FRMPD2: variants seen among roughly 807,000 people sequenced by gnomAD.
FRMPD2 encodes the protein FERM and PDZ domain containing 2, also known as FERM and PDZ domain-containing protein 2.
In FRMPD2, 96 loss-of-function variants were observed where a neutral mutation model predicts 140.1. The ratio of observed to expected loss-of-function variants is 0.69; its 90% CI spans 0.58 to 0.81. FRMPD2 has a LOEUF of 0.81. FRMPD2 is among the 40% of genes least tolerant of loss of function. The pLI, the probability that FRMPD2 is intolerant of heterozygous loss-of-function variation, is 0.00. For missense variants in FRMPD2, 1,240 were observed against 1,447.4 expected (o/e 0.86, Z 2.32); for synonymous variants, 449 against 547.6 (o/e 0.82, Z 2.52).
intron 21 of FRMPD2, 54 bp from the exon 22 acceptor site, chr10:48,178,205 C>T: frequency 7.8e-7 from 1 of 1,281,542 alleles, no homozygotes; most frequent in South Asian, 1.2e-5. Context: ...GATGTCACCT[C>T]TTAGCTCATA....
chr10:48,211,610 C>G (rs946824111), intron 13 of FRMPD2, among the ~76,000 whole-genome samples: 1 of 152,092 alleles, frequency 6.6e-6, no homozygotes, highest in African/African-American at 2.4e-5. Context: ...TGGGAAAACC[C>G]TGTCTCTACT....
chr10:48,224,060 GT>G (rs1015565254), intron 10 of FRMPD2, among the ~76,000 whole-genome samples: 1 of 152,222 alleles, frequency 6.6e-6, no homozygotes, highest in African/African-American at 2.4e-5. Flanking sequence ...TGTAAGTGGA[GT>G]CAATTTGCCC....
chr10:48,167,802 CTT>C (rs1193287461), intron 27 of FRMPD2, among the ~76,000 whole-genome samples: 3 of 152,140 alleles, frequency 2.0e-5, no homozygotes, highest in Admixed American at 2.0e-4. Flanking sequence ...AATCAGCAAA[CTT>C]TGAGTAAAAC....
At chr10:48,184,269 C>T (rs1184508021) in intron 20 of FRMPD2, among the ~76,000 whole-genome samples, 1 of 151,948 alleles carries the variant, frequency 6.6e-6, no homozygotes, top group Non-Finnish European at 1.5e-5. Flanking sequence ...AAAAGGTCCT[C>T]CCTGCCATGC....
chr10:48,236,645 C>A, intron 8 of FRMPD2, 92 bp from the exon 9 acceptor site: 1 of 1,155,718 alleles, frequency 8.7e-7, no homozygotes, highest in Non-Finnish European at 1.3e-6. Flanking sequence ...GCAGCCCCCA[C>A]CAGCATACAT....
At chr10:48,203,520 T>C (rs950580103) in intron 14 of FRMPD2, among the ~76,000 whole-genome samples, 2 of 152,144 alleles carry the variant, frequency 1.3e-5, no homozygotes, top group Non-Finnish European at 2.9e-5. Flanking sequence ...TGGGCGCCAT[T>C]ACTCTTGCAC....
intron 8 of FRMPD2, among the ~76,000 whole-genome samples, chr10:48,237,125 T>TAA (rs10563330): frequency 2.2e-4 from 29 of 131,634 alleles, no homozygotes; most frequent in Middle Eastern, 3.9e-3. Flanking sequence ...TCCTCACCTT[T>TAA]AAAAAAAAAA....
In FRMPD2 at chr10:48,238,057, G is replaced by A; in HGVS notation, c.855C>T (p.His285=). 1 of 1,614,046 alleles carries A rather than the reference G, an allele frequency of 6.2e-7. No individual in the cohort carries two copies. Among genetic ancestry groups the A allele is most frequent in the Non-Finnish European group, 8.5e-7 (1 of 1,180,036 alleles). ...TTGGCCATGAGCTGTCTGCTGCCGA[G>A]TGCACAGATCCAGAGCTGAGCCTCC... The part of the protein sequence containing the change: ...AGRRLSSGSV[H]SAADSSWPTT... Residue 285 remains histidine, a synonymous_variant, in exon 8 of 29, where the codon CAC becomes CAT. Coordinates refer to ENST00000374201, the MANE Select transcript of FRMPD2 (RefSeq NM_001018071.4).
At chr10:48,198,248 A>C (rs61840036) in intron 15 of FRMPD2, among the ~76,000 whole-genome samples, 30,338 of 152,176 alleles carry the variant, frequency 0.2, 3,584 homozygotes, top group Non-Finnish European at 0.26. Flanking sequence ...AAAGGTAATA[A>C]CAGTAACATT....
chr10:48,218,932 C>T (rs986483848), intron 12 of FRMPD2, among the ~76,000 whole-genome samples: 3 of 152,192 alleles, frequency 2.0e-5, no homozygotes, highest in African/African-American at 7.2e-5. Flanking sequence ...TTCAAGCCAG[C>T]CTGAGCTTGA....
At chr10:48,271,713 T>C (rs1840769573) in intron 1 of FRMPD2, among the ~76,000 whole-genome samples, 1 of 152,184 alleles carries the variant, frequency 6.6e-6, no homozygotes, top group African/African-American at 2.4e-5. Flanking sequence ...GGAATCAGCC[T>C]CGAAAGCAGA....
chr10:48,211,182 C>T (rs965745024), intron 13 of FRMPD2, among the ~76,000 whole-genome samples: 2 of 152,240 alleles, frequency 1.3e-5, no homozygotes, highest in African/African-American at 4.8e-5. Flanking sequence ...TTTTCCAGTG[C>T]CTGGCCCACA....
chr10:48,241,950 G>A (rs1394952658), intron 5 of FRMPD2: 2 of 377,352 alleles, frequency 5.3e-6, no homozygotes, highest in African/African-American at 4.0e-5. Flanking sequence ...CTGCCCAATA[G>A]AACTGCAATG....
At chr10:48,235,155 C>A (rs1839938850) in intron 9 of FRMPD2, among the ~76,000 whole-genome samples, 1 of 152,180 alleles carries the variant, frequency 6.6e-6, no homozygotes, top group African/African-American at 2.4e-5. Flanking sequence ...GTGAGCCACC[C>A]TGACACCCCA....
intron 1 of FRMPD2, among the ~76,000 whole-genome samples, chr10:48,272,904 A>G (rs1840794150): frequency 6.6e-6 from 1 of 152,226 alleles, no homozygotes; most frequent in Non-Finnish European, 1.5e-5. Context: ...GTAAACAAAA[A>G]TATCAACCAA....
chr10:48,209,314 G>C (rs1022869200), intron 13 of FRMPD2, among the ~76,000 whole-genome samples: 1 of 152,302 alleles, frequency 6.6e-6, no homozygotes, highest in Admixed American at 6.5e-5. Context: ...GGTTGAGGAA[G>C]TTAGGAAAAC....
chr10:48,233,995 G>C (rs752964412), intron 9 of FRMPD2, among the ~76,000 whole-genome samples: 13 of 152,230 alleles, frequency 8.5e-5, no homozygotes, highest in Non-Finnish European at 1.5e-4. Context: ...ATTCAGCAGG[G>C]ACAAGCATCT....
chr10:48,257,415 G>C (rs1219619028), intron 1 of FRMPD2, among the ~76,000 whole-genome samples: 1 of 151,856 alleles, frequency 6.6e-6, no homozygotes, highest in Non-Finnish European at 1.5e-5. Flanking sequence ...GAGTAGCTGG[G>C]ATTACAGGCT....
intron 11 of FRMPD2, 70 bp downstream of exon 11, chr10:48,223,053 A>G: frequency 7.0e-7 from 1 of 1,435,526 alleles, no homozygotes; most frequent in Non-Finnish European, 9.5e-7. Flanking sequence ...TTGTCGATCC[A>G]TTACCTCTCC....
Sources: allele counts gnomAD v4.1 joint callset (sites outside exome capture counted in the v4.1 genomes callset), GRCh38; gene constraint gnomAD v4.1.1; transcripts MANE v1.5; gene names NCBI Gene and HGNC (gene_info 2026-07-23, HGNC 2026-07-21).